Variants in CUBN observed in about 807,000 individuals in gnomAD.
CUBN encodes 460 kDa receptor.
In CUBN, 282 loss-of-function variants were observed where a neutral mutation model predicts 405.3. The ratio of observed to expected loss-of-function variants is 0.70; its 90% CI spans 0.63 to 0.77. The LOEUF (loss-of-function observed/expected upper bound fraction) is 0.77. CUBN is among the 30% of genes least tolerant of loss of function. The probability of loss-of-function intolerance (pLI) is 0.00; values close to 1 mark genes in which losing one functional copy is unlikely to be tolerated. For synonymous variants in CUBN, 1,684 were observed against 1,617.0 expected (o/e 1.04, Z -0.99); for missense variants, 4,514 against 4,475.2 (o/e 1.01, Z -0.25).
chr10:17,046,100 A>C lies in CUBN; in HGVS notation c.3330-6T>G. 1 of 1,612,474 alleles carries C rather than the reference A, an allele frequency of 6.2e-7. No individual in the cohort carries two copies. Among genetic ancestry groups the C allele is most frequent in the Non-Finnish European group, 8.5e-7 (1 of 1,178,706 alleles). ...ATTTTTCATAGCCTCCATCTCTGGC[A>C]GAATACAGAAATTAAAATTTATTGG... On this transcript the variant is annotated splice_polypyrimidine_tract_variant and splice_region_variant and intron_variant, in intron 23 of 66. Coordinates refer to ENST00000377833, the MANE Select transcript of CUBN (RefSeq NM_001081.4).
In CUBN at chr10:17,046,087, C is replaced by T. The variant is rs1373764029; in HGVS notation, c.3337G>A (p.Gly1113Ser). 6.2e-7 allele frequency: 1 copy of T among 1,613,166 alleles called. No individual in the cohort carries two copies. The highest frequency in any genetic ancestry group is 8.5e-7 in the Non-Finnish European group (1 of 1,179,428). The change falls in exon 24 of 67, where the codon GGC becomes AGC. Residue 1113 changes from glycine (G) to serine (S), a missense_variant. Around this residue, in one of 5 missense-constraint regions of CUBN, gnomAD observed 1,448 missense variants for 1,388.0 expected, o/e 1.04. Coordinates refer to ENST00000377833, the MANE Select transcript of CUBN (RefSeq NM_001081.4). ...CCCAGCAATGGTGATTTTTCATAGC[C>T]TCCATCTCTGGCAGAATACAGAAAT... ...YTDFLEIRDGGYEKSPLLGIF... is the reference protein window; with the variant it reads ...YTDFLEIRDGSYEKSPLLGIF...
chr10:16,961,174 G>C (rs1343756383), intron 31 of CUBN, among the ~76,000 whole-genome samples: 1 of 147,882 alleles, frequency 6.8e-6, no homozygotes. Context: ...TGGGCTCAAG[G>C]GATCCTCCCA....
At chr10:16,903,688 T>C (rs1461070795) in intron 51 of CUBN, among the ~76,000 whole-genome samples, 1 of 147,870 alleles carries the variant, frequency 6.8e-6, no homozygotes, top group East Asian at 1.9e-4. Flanking sequence ...ATTAAATAAT[T>C]ATTGGATAAT....
chr10:16,832,520 G>C (rs1333088920), intron 64 of CUBN, among the ~76,000 whole-genome samples: 2 of 152,152 alleles, frequency 1.3e-5, no homozygotes, highest in Non-Finnish European at 2.9e-5. Flanking sequence ...AGAGTAGCCA[G>C]TCATCCACTA....
chr10:16,984,385 A>G lies in CUBN; in HGVS notation c.4351-106T>C, dbSNP rs3012494. On this transcript the variant is annotated intron_variant, in intron 29 of 66. Transcript: ENST00000377833. ...CGGCTCCTTGGGTTCTATGATTATT[A>G]GAGATTGAAATCTCAGCCTCCCTGG... is the stretch of plus-strand genomic sequence containing the variant. 954,659 of 1,116,174 alleles carry G rather than the reference A, an allele frequency of 0.86. 415,586 individuals carry two copies. Among genetic ancestry groups the G allele is most frequent in the Non-Finnish European group, 0.9 (682,871 of 755,032 alleles). 69.1% of individuals were successfully genotyped at this position (1,116,174 alleles called of 1,614,324 possible). A position where few individuals can be genotyped will look rare whatever the true frequency, so the allele number is the denominator to read the frequency against.
intron 31 of CUBN, among the ~76,000 whole-genome samples, chr10:16,976,711 T>C (rs549952398): frequency 3.9e-5 from 6 of 152,300 alleles, no homozygotes; most frequent in Admixed American, 2.6e-4. Context: ...GTGTCCTCTA[T>C]GTGTCTTAAC....
At chr10:16,956,856 TATAC>T (rs1293369686) in intron 31 of CUBN, among the ~76,000 whole-genome samples, 11 of 152,144 alleles carry the variant, frequency 7.2e-5, no homozygotes, top group Non-Finnish European at 1.3e-4. Context: ...TTTATGAATA[TATAC>T]AGTTTATATT....
chr10:17,062,149 C>A (rs1835517976), intron 22 of CUBN, among the ~76,000 whole-genome samples: 1 of 152,126 alleles, frequency 6.6e-6, no homozygotes, highest in Non-Finnish European at 1.5e-5. Flanking sequence ...TCTCCTATTC[C>A]TTTCTATCCT....
chr10:16,914,302 C>T (rs1261110371), intron 47 of CUBN, among the ~76,000 whole-genome samples: 2 of 152,062 alleles, frequency 1.3e-5, no homozygotes, highest in Non-Finnish European at 2.9e-5. Flanking sequence ...CATGGTGGTT[C>T]ACACTTGCAG....
At chr10:17,052,989 T>C (rs973048334) in intron 22 of CUBN, among the ~76,000 whole-genome samples, 16 of 151,726 alleles carry the variant, frequency 1.1e-4, no homozygotes, top group African/African-American at 3.4e-4. Context: ...AATTGGAAGG[T>C]ATGAAATGTA....
chr10:16,919,929 G>C (rs1841985274), intron 44 of CUBN, 34 bp downstream of exon 44: 1 of 1,604,768 alleles, frequency 6.2e-7, no homozygotes, highest in South Asian at 1.1e-5. Context: ...TACTAACTTG[G>C]GGTAGGAAAA....
intron 59 of CUBN, among the ~76,000 whole-genome samples, chr10:16,855,397 T>G (rs549105691): frequency 6.6e-6 from 1 of 152,236 alleles, no homozygotes; most frequent in African/African-American, 2.4e-5. Flanking sequence ...GCCTTAAACG[T>G]GCTTACGTTT....
At position 16,925,546 on chromosome 10, in the gene CUBN, T is replaced by C. The variant is rs186719406; in HGVS notation, c.6462+38A>G. The stretch of plus-strand genomic sequence containing the variant: ...CATTTTGTTTTCTGAATGAAGTCTA[T>C]GGAAAATGTAATTAGAAAGGGTAGC... On this transcript the variant is annotated intron_variant, in intron 42 of 66. Coordinates refer to ENST00000377833, the MANE Select transcript of CUBN (RefSeq NM_001081.4). 226 of 1,612,852 alleles carry C rather than the reference T, an allele frequency of 1.4e-4. No individual in the cohort carries two copies. In the African/African-American group the frequency reaches 2.5e-3, roughly 18 times the overall value.
rs758286448 is a variant in CUBN, at chr10:17,041,159, C to T, written c.3891G>A (p.Pro1297=). 21 of 1,613,534 alleles carry T rather than the reference C, an allele frequency of 1.3e-5. No individual in the cohort carries two copies. The highest frequency in any genetic ancestry group is 1.7e-5 in the Non-Finnish European group (20 of 1,179,694). The change falls in exon 27 of 67, where the codon CCG becomes CCA. Residue 1297 remains proline, a synonymous_variant. Coordinates refer to ENST00000377833, the MANE Select transcript of CUBN (RefSeq NM_001081.4). Reference sequence around the variant, plus strand: ...AATGCTGATTTTCAGAATAAGGATTCGGATACCCTATACTCTCTAAGATGC... The same window carrying T: ...AATGCTGATTTTCAGAATAAGGATTTGGATACCCTATACTCTCTAAGATGC... ...TYGILESIGY[P]NPYSENQHCN...
At chr10:16,959,700 T>A (rs1316450865) in intron 31 of CUBN, among the ~76,000 whole-genome samples, 1 of 151,982 alleles carries the variant, frequency 6.6e-6, no homozygotes, top group Non-Finnish European at 1.5e-5. Context: ...GAAAAGCACT[T>A]CAAGGAAGAA....
At chr10:16,958,714 G>T (rs373711020) in intron 31 of CUBN, among the ~76,000 whole-genome samples, 1 of 152,174 alleles carries the variant, frequency 6.6e-6, no homozygotes, top group Non-Finnish European at 1.5e-5. Context: ...ATGTAGGCTA[G>T]TAAGTCATCC....
intron 28 of CUBN, among the ~76,000 whole-genome samples, chr10:17,004,898 T>C (rs1429539940): frequency 1.3e-5 from 2 of 152,200 alleles, no homozygotes; most frequent in Non-Finnish European, 2.9e-5. Context: ...GACCTCATGG[T>C]CCACCTGCCT....
At chr10:16,906,886 G>A (rs751025689) in intron 49 of CUBN, among the ~76,000 whole-genome samples, 14 of 151,954 alleles carry the variant, frequency 9.2e-5, no homozygotes, top group Admixed American at 3.9e-4. Flanking sequence ...ATAACTTAGC[G>A]TTTTTCTTTT....
At chr10:16,954,244 T>C in intron 32 of CUBN, 145 bp downstream of exon 32, 1 of 967,304 alleles carries the variant, frequency 1.0e-6, no homozygotes, top group Non-Finnish European at 1.7e-6. Context: ...TAATTGTAAG[T>C]CACAGTTCTT....
Sources: allele counts gnomAD v4.1 joint callset (sites outside exome capture counted in the v4.1 genomes callset), GRCh38; gene constraint gnomAD v4.1.1; regional missense constraint gnomAD v4.1.1; transcripts MANE v1.5; gene names NCBI Gene and HGNC (gene_info 2026-07-23, HGNC 2026-07-21).